Variants in NRXN3 observed in about 807,000 individuals in gnomAD.
The protein encoded by NRXN3 is neurexin III.
Under a neutral mutation model 137.6 loss-of-function variants are expected in NRXN3, and 32 were observed. That is an observed-to-expected ratio of 0.23 (90% CI 0.18 to 0.31). The LOEUF (loss-of-function observed/expected upper bound fraction) is 0.31, where lower values mean the gene tolerates loss of function less well. Among genes scored for constraint, NRXN3 ranks in the 10% least tolerant of loss-of-function variants. The probability of loss-of-function intolerance (pLI) is 1.00; values close to 1 mark genes in which losing one functional copy is unlikely to be tolerated. For missense variants in NRXN3, 1,574 were observed against 2,062.5 expected (o/e 0.76, Z 4.59); for synonymous variants, 798 against 784.5 (o/e 1.02, Z -0.29).
chr14:79,383,259 G>A (rs1331257664), intron 15 of NRXN3, among the ~76,000 whole-genome samples: 1 of 151,996 alleles, frequency 6.6e-6, no homozygotes, highest in Admixed American at 6.6e-5. Flanking sequence ...ATGTTTGCTT[G>A]GCACCCAACC....
intron 4 of NRXN3, among the ~76,000 whole-genome samples, chr14:78,322,766 G>A (rs749742877): frequency 2.0e-4 from 30 of 151,788 alleles, no homozygotes; most frequent in Non-Finnish European, 2.6e-4. Flanking sequence ...ATCTCTGCTC[G>A]TGCTTGCCCA....
chr14:78,708,430 C>T (rs1195016330), intron 6 of NRXN3: 1 of 152,074 alleles, frequency 6.6e-6, no homozygotes, highest in African/African-American at 2.4e-5. Context: ...ATGCAATGTG[C>T]AAAAAATAAA....
chr14:79,330,671 C>A (rs2091545709), intron 15 of NRXN3, among the ~76,000 whole-genome samples: 1 of 152,120 alleles, frequency 6.6e-6, no homozygotes, highest in South Asian at 2.1e-4. Flanking sequence ...AGACCAGCGA[C>A]AGCAGATACC....
chr14:78,777,234 A>C (rs568315733), intron 8 of NRXN3, among the ~76,000 whole-genome samples: 1 of 152,262 alleles, frequency 6.6e-6, no homozygotes, highest in East Asian at 1.9e-4. Flanking sequence ...GCAGTTATTC[A>C]ATGGACACAT....
intron 5 of NRXN3, among the ~76,000 whole-genome samples, chr14:78,649,540 TCAA>T (rs2097719171): frequency 6.6e-6 from 1 of 150,652 alleles, no homozygotes. Flanking sequence ...TCTCTAGTTT[TCAA>T]TTTTTTCCCC....
At chr14:78,690,533 G>A (rs1464458089) in intron 6 of NRXN3, among the ~76,000 whole-genome samples, 1 of 152,158 alleles carries the variant, frequency 6.6e-6, no homozygotes, top group Admixed American at 6.5e-5. Flanking sequence ...CAGAGACCAT[G>A]TCCTAACATT....
chr14:79,402,864 A>T (rs1458419632), intron 15 of NRXN3, among the ~76,000 whole-genome samples: 8 of 152,232 alleles, frequency 5.3e-5, no homozygotes, highest in African/African-American at 1.9e-4. Flanking sequence ...GAATCTTATA[A>T]ATCTTTTTGT....
At position 79,801,828 on chromosome 14, in the gene NRXN3, G is replaced by A. The variant is rs11845662; in HGVS notation, c.4015-3284G>A. On this transcript the variant is annotated intron_variant, in intron 19 of 20. Transcript: ENST00000335750. Reference sequence around the variant, plus strand: ...GCAGAGAGGGTTAAAGGTGGAAAAAGGGGGTCAGAAGGTGAAAGATGATGT... The same window carrying A: ...GCAGAGAGGGTTAAAGGTGGAAAAAAGGGGTCAGAAGGTGAAAGATGATGT... 7.9e-3 allele frequency among the ~76,000 whole-genome samples: 1,195 copies of A among 152,160 alleles called. 16 individuals are homozygous for A. Among genetic ancestry groups the A allele is most frequent in the African/African-American group, 0.027 (1,136 of 41,514 alleles).
chr14:79,228,129 AC>A (rs959787101), intron 15 of NRXN3, among the ~76,000 whole-genome samples: 6 of 152,054 alleles, frequency 3.9e-5, no homozygotes, highest in African/African-American at 1.4e-4. Context: ...TTAGCTGAGG[AC>A]CTTTTTAATG....
chr14:79,691,260 G>C (rs563141147), intron 17 of NRXN3, among the ~76,000 whole-genome samples: 2 of 152,116 alleles, frequency 1.3e-5, no homozygotes, highest in African/African-American at 4.8e-5. Flanking sequence ...AAACTAATTA[G>C]ATATTTCATG....
chr14:79,830,524 A>G (rs2099320095), intron 20 of NRXN3, among the ~76,000 whole-genome samples: 1 of 152,142 alleles, frequency 6.6e-6, no homozygotes, highest in Non-Finnish European at 1.5e-5. Context: ...CAATTAGTAA[A>G]GGGGGCTTTT....
chr14:79,268,438 C>A (rs556298451), intron 15 of NRXN3, among the ~76,000 whole-genome samples: 1 of 152,152 alleles, frequency 6.6e-6, no homozygotes, highest in Admixed American at 6.5e-5. Flanking sequence ...AGGTCACCTC[C>A]AGATCCAGGT....
rs1290170539 is a variant in NRXN3, at chr14:79,866,951, G to A, written c.*4987G>A. ...AGTCCACTGACAGCACCAGTAGGAA[G>A]GCGCTAATGAAAAGATCTCTAAATA... is the stretch of plus-strand genomic sequence containing the variant. On this transcript the variant is annotated 3_prime_UTR_variant, in exon 21 of 21. Coordinates refer to ENST00000335750, the MANE Select transcript of NRXN3 (RefSeq NM_001330195.2). The A allele has an allele frequency of 1.3e-5, 2 of 152,192 alleles. No homozygotes were observed. Among genetic ancestry groups the A allele is most frequent in the African/African-American group, 2.4e-5 (1 of 41,450 alleles). The allele number at this position is 152,192 out of a possible 1,614,324, so 9.4% of individuals were successfully genotyped here.
chr14:79,657,676 T>C (rs1567798314), intron 16 of NRXN3, among the ~76,000 whole-genome samples: 1 of 152,168 alleles, frequency 6.6e-6, no homozygotes, highest in Non-Finnish European at 1.5e-5. Context: ...CAAATTATGT[T>C]CTACTGAGTT....
chr14:78,665,157 T>C (rs2097872697), intron 6 of NRXN3, among the ~76,000 whole-genome samples: 1 of 152,180 alleles, frequency 6.6e-6, no homozygotes, highest in Non-Finnish European at 1.5e-5. Context: ...TTTCAGATAA[T>C]GATAAGTGGC....
intron 15 of NRXN3, among the ~76,000 whole-genome samples, chr14:79,141,280 C>G (rs550040607): frequency 1.3e-5 from 2 of 152,306 alleles, no homozygotes; most frequent in South Asian, 4.1e-4. Flanking sequence ...TTATCACAAG[C>G]ACCTTAGTTT....
At chr14:79,637,726 G>GTTTTTTTTTTTTTTTTTTTTTTTTTTT (rs1447669099) in intron 16 of NRXN3, among the ~76,000 whole-genome samples, 1 of 92,996 alleles carries the variant, frequency 1.1e-5, no homozygotes, top group Non-Finnish European at 1.9e-5. Context: ...ATATAGAAAA[G>GTTTTTTTTTTTTTTTTTTTTTTTTTTT]TTCTTTTTTT....
chr14:79,520,815 G>C (rs2097057003), intron 16 of NRXN3, among the ~76,000 whole-genome samples: 1 of 152,156 alleles, frequency 6.6e-6, no homozygotes, highest in South Asian at 2.1e-4. Context: ...TTTACACTTT[G>C]GTGGGAGTGT....
chr14:78,902,703 T>C (rs1029936757), intron 10 of NRXN3, among the ~76,000 whole-genome samples: 3 of 152,034 alleles, frequency 2.0e-5, no homozygotes, highest in African/African-American at 2.4e-5. Flanking sequence ...TGTACAAGGC[T>C]CTTAAAGATC....
Sources: gnomAD v4.1 joint callset for allele counts (sites outside exome capture counted in the v4.1 genomes callset) on GRCh38, gnomAD v4.1.1 for gene constraint, MANE v1.5 for transcripts, NCBI Gene and HGNC (gene_info 2026-07-23, HGNC 2026-07-21) for gene names.